EYS: variants seen among roughly 807,000 people sequenced by gnomAD.
EYS encodes the protein EGF-like photoreceptor maintenance factor.
EYS carries 250 observed loss-of-function variants against 282.1 expected under a neutral mutation model. The ratio of observed to expected loss-of-function variants is 0.89; its 90% CI spans 0.80 to 0.98. EYS has a LOEUF of 0.98. Ranked by LOEUF, EYS falls within the 50% of genes least tolerant of loss-of-function variation. EYS has a pLI of 0.00. For missense variants in EYS, 4,016 were observed against 3,709.0 expected (o/e 1.08, Z -2.15); for synonymous variants, 1,355 against 1,282.9 (o/e 1.06, Z -1.20).
intron 19 of EYS, among the ~76,000 whole-genome samples, chr6:64,883,835 G>T (rs62417104): frequency 8.8e-6 from 1 of 113,294 alleles, no homozygotes; most frequent in Non-Finnish European, 1.9e-5. Flanking sequence ...CTACCACTAC[G>T]TGTGTAAATT....
intron 12 of EYS, among the ~76,000 whole-genome samples, chr6:65,142,060 C>G (rs1455949205): frequency 2.6e-5 from 4 of 152,006 alleles, no homozygotes; most frequent in Non-Finnish European, 5.9e-5. Context: ...TCATGTTGTA[C>G]ATGATTAGAT....
intron 5 of EYS, among the ~76,000 whole-genome samples, chr6:65,463,730 T>C (rs765052179): frequency 6.6e-6 from 1 of 152,148 alleles, no homozygotes; most frequent in Non-Finnish European, 1.5e-5. Context: ...TCAAATATAA[T>C]TATGTAAATG....
At chr6:64,296,796 G>T (rs191343730) in intron 30 of EYS, among the ~76,000 whole-genome samples, 4 of 151,728 alleles carry the variant, frequency 2.6e-5, no homozygotes, top group Non-Finnish European at 4.4e-5. Flanking sequence ...TAGTAGAGAC[G>T]GGGTTTCACC....
intron 14 of EYS, among the ~76,000 whole-genome samples, chr6:64,959,166 G>GA (rs908152118): frequency 6.6e-6 from 1 of 152,060 alleles, no homozygotes; most frequent in Non-Finnish European, 1.5e-5. Context: ...AGAATACTTA[G>GA]AAAAAATGTG....
At chr6:64,387,323 C>T (rs917279349) in intron 29 of EYS, among the ~76,000 whole-genome samples, 2 of 152,044 alleles carry the variant, frequency 1.3e-5, no homozygotes, top group Non-Finnish European at 2.9e-5. Context: ...TTCTATATTG[C>T]TTCTGCATGT....
intron 12 of EYS, among the ~76,000 whole-genome samples, chr6:65,239,913 C>A (rs943388041): frequency 6.6e-6 from 1 of 151,842 alleles, no homozygotes; most frequent in Non-Finnish European, 1.5e-5. Flanking sequence ...ACATTAAACA[C>A]CTGTACAGAA....
intron 22 of EYS, among the ~76,000 whole-genome samples, chr6:64,656,371 G>C (rs960002745): frequency 2.6e-5 from 4 of 151,996 alleles, no homozygotes; most frequent in Non-Finnish European, 4.4e-5. Flanking sequence ...CACATATTTA[G>C]TCAACTAACC....
intron 22 of EYS, among the ~76,000 whole-genome samples, chr6:64,767,080 C>A (rs1326945739): frequency 6.7e-6 from 1 of 148,554 alleles, no homozygotes; most frequent in Non-Finnish European, 1.5e-5. Context: ...TTTTGCTCTA[C>A]AATCAAATAA....
chr6:64,041,659 T>C (rs1196421472), intron 33 of EYS, among the ~76,000 whole-genome samples: 1 of 152,180 alleles, frequency 6.6e-6, no homozygotes, highest in African/African-American at 2.4e-5. Context: ...ATAACAATCT[T>C]CAGTACATAC....
intron 30 of EYS, among the ~76,000 whole-genome samples, chr6:64,237,250 C>G (rs1365528565): frequency 6.6e-6 from 1 of 152,166 alleles, no homozygotes; most frequent in Non-Finnish European, 1.5e-5. Flanking sequence ...GTTTTCTGAA[C>G]TTGCCTAACT....
Position 64,886,823 on chromosome 6 carries a change from G to A in EYS, c.2866C>T (p.Pro956Ser), listed in dbSNP as rs1767104559. Residue 956 changes from proline (P) to serine (S), a missense_variant, in exon 19 of 43, where the codon CCT becomes TCT. By Grantham distance (74) the Pro-to-Ser change is moderately conservative. Coordinates refer to ENST00000503581, the MANE Select transcript of EYS (RefSeq NM_001142800.2). ...TCACAGAAGGGCCCATGGTACTCAG[G>A]TTCACAATTACAAAAAAATCTGGAG... The part of the protein sequence containing the change: ...LTNRFFCNCE[P>S]EYHGPFCELD... 2.0e-6 allele frequency: 3 copies of A among 1,530,074 alleles called. No individual in the cohort carries two copies. The highest frequency in any genetic ancestry group is 2.6e-6 in the Non-Finnish European group (3 of 1,138,124). 94.8% of individuals were successfully genotyped at this position (1,530,074 alleles called of 1,614,324 possible).
intron 12 of EYS, among the ~76,000 whole-genome samples, chr6:65,278,972 T>C (rs933306817): frequency 6.6e-6 from 1 of 152,116 alleles, no homozygotes; most frequent in African/African-American, 2.4e-5. Flanking sequence ...GCAGATCACC[T>C]GAGGTCAGGA....
chr6:64,625,724 GCTCGTCCAT>G (rs1767587300), intron 23 of EYS, among the ~76,000 whole-genome samples: 1 of 152,146 alleles, frequency 6.6e-6, no homozygotes, highest in African/African-American at 2.4e-5. Context: ...AGTTTATTCA[GCTCGTCCAT>G]CTCTGTGCTG....
intron 31 of EYS, among the ~76,000 whole-genome samples, chr6:64,214,787 TTTA>T (rs1345386562): frequency 6.6e-6 from 1 of 152,048 alleles, no homozygotes; most frequent in African/African-American, 2.4e-5. Flanking sequence ...TGTTATGGAA[TTTA>T]TTATTTGATT....
At chr6:63,740,109 A>G (rs934258357) in intron 41 of EYS, among the ~76,000 whole-genome samples, 8 of 152,300 alleles carry the variant, frequency 5.3e-5, no homozygotes, top group African/African-American at 1.4e-4. Flanking sequence ...TGTAGTCCTA[A>G]TTAGGTTGAA....
At chr6:64,115,062 G>A (rs1039906337) in intron 31 of EYS, among the ~76,000 whole-genome samples, 2 of 152,138 alleles carry the variant, frequency 1.3e-5, no homozygotes, top group East Asian at 1.9e-4. Context: ...GCATGCCCAA[G>A]CTCTAGACCT....
At chr6:64,166,057 A>C (rs537981777) in intron 31 of EYS, among the ~76,000 whole-genome samples, 2 of 152,324 alleles carry the variant, frequency 1.3e-5, no homozygotes, top group East Asian at 3.9e-4. Context: ...CTAATGCTGA[A>C]TATTTCATAG....
chr6:64,512,302 A>G (rs1454966611), intron 26 of EYS, among the ~76,000 whole-genome samples: 2 of 151,912 alleles, frequency 1.3e-5, no homozygotes, highest in African/African-American at 4.8e-5. Flanking sequence ...TCACCAACAA[A>G]TCATGTTGAA....
At chr6:64,440,547 G>A (rs897779814) in intron 26 of EYS, among the ~76,000 whole-genome samples, 6 of 152,136 alleles carry the variant, frequency 3.9e-5, no homozygotes, top group Non-Finnish European at 8.8e-5. Flanking sequence ...AAATAACAAT[G>A]TCCTTTCAAT....
Sources: allele counts gnomAD v4.1 joint callset (sites outside exome capture counted in the v4.1 genomes callset), GRCh38; gene constraint gnomAD v4.1.1; transcripts MANE v1.5; gene names NCBI Gene and HGNC (gene_info 2026-07-23, HGNC 2026-07-21).